The following MCC variants were observed in gnomAD, a reference collection of about 807,000 sequenced individuals.
The protein encoded by MCC is colorectal mutant cancer protein.
Under a neutral mutation model 116.2 loss-of-function variants are expected in MCC, and 90 were observed. The observed-to-expected ratio is 0.77, with a 90% confidence interval of 0.65 to 0.92. The LOEUF (loss-of-function observed/expected upper bound fraction) is 0.92, where lower values mean the gene tolerates loss of function less well. Ranked by LOEUF, MCC falls within the 40% of genes least tolerant of loss-of-function variation. MCC has a pLI of 0.00. For synonymous variants in MCC, 578 were observed against 510.5 expected (o/e 1.13, Z -1.78); for missense variants, 1,516 against 1,312.2 (o/e 1.16, Z -2.40).
At chr5:113,461,200 G>A (rs1482112496) in intron 1 of MCC, among the ~76,000 whole-genome samples, 5 of 151,860 alleles carry the variant, frequency 3.3e-5, no homozygotes, top group Admixed American at 3.3e-4. Flanking sequence ...GTTCAAGGCT[G>A]CAATGAGCCA....
intron 1 of MCC, among the ~76,000 whole-genome samples, chr5:113,468,994 T>C (rs1332727794): frequency 5.3e-5 from 8 of 152,248 alleles, no homozygotes; most frequent in Non-Finnish European, 1.0e-4. Context: ...TACTCTCTGA[T>C]GGTAGTTTGT....
At chr5:113,295,726 T>C (rs1766692082) in intron 3 of MCC, among the ~76,000 whole-genome samples, 1 of 152,110 alleles carries the variant, frequency 6.6e-6, no homozygotes, top group South Asian at 2.1e-4. Context: ...AGAGATGAGA[T>C]GGGGGAAGAG....
chr5:113,460,552 T>C (rs985821074), intron 1 of MCC, among the ~76,000 whole-genome samples: 2 of 152,242 alleles, frequency 1.3e-5, no homozygotes, highest in Non-Finnish European at 2.9e-5. Context: ...CATTACAAGC[T>C]GTGGGGAACT....
intron 14 of MCC, among the ~76,000 whole-genome samples, chr5:113,056,337 T>C (rs1752830982): frequency 6.6e-6 from 1 of 152,156 alleles, no homozygotes; most frequent in Non-Finnish European, 1.5e-5. Context: ...TGCCCATCAG[T>C]GGTAGACTAG....
intron 3 of MCC, among the ~76,000 whole-genome samples, chr5:113,189,682 C>G (rs1762061877): frequency 6.6e-6 from 1 of 152,166 alleles, no homozygotes; most frequent in Non-Finnish European, 1.5e-5. Context: ...ATCACTTGAG[C>G]AAGCAGGAGG....
chr5:113,368,617 A>G (rs1016437236), intron 2 of MCC, among the ~76,000 whole-genome samples: 3 of 151,240 alleles, frequency 2.0e-5, no homozygotes, highest in Non-Finnish European at 2.9e-5. Context: ...TATAGGAGAA[A>G]AAGTGTTTTT....
chr5:113,108,989 T>C (rs1430357733), intron 6 of MCC, among the ~76,000 whole-genome samples: 1 of 152,202 alleles, frequency 6.6e-6, no homozygotes, highest in African/African-American at 2.4e-5. Flanking sequence ...CTGGGCCGCC[T>C]GGAGCAGGTA....
chr5:113,112,365 T>A (rs1190209990), intron 6 of MCC, among the ~76,000 whole-genome samples: 1 of 152,164 alleles, frequency 6.6e-6, no homozygotes, highest in Non-Finnish European at 1.5e-5. Flanking sequence ...GTTGTTCTCA[T>A]GATAGTGAGT....
chr5:113,144,253 C>T (rs1020043924), intron 4 of MCC, among the ~76,000 whole-genome samples: 9 of 152,210 alleles, frequency 5.9e-5, no homozygotes, highest in African/African-American at 1.9e-4. Context: ...ACCTGTTCAC[C>T]TCTCACTTCT....
At chr5:113,102,006 GA>G in intron 7 of MCC, 61 bp from the exon 8 acceptor site, 1 of 1,514,170 alleles carries the variant, frequency 6.6e-7, no homozygotes, top group Non-Finnish European at 9.2e-7. Context: ...GGGATAGGAA[GA>G]AAATAGGCTG....
intron 5 of MCC, among the ~76,000 whole-genome samples, chr5:113,129,323 C>T (rs1173909736): frequency 6.6e-6 from 1 of 152,064 alleles, no homozygotes; most frequent in Non-Finnish European, 1.5e-5. Flanking sequence ...GGGTCAAATG[C>T]CATAGAAAGA....
At chr5:113,233,554 AG>A (rs1764016388) in intron 3 of MCC, among the ~76,000 whole-genome samples, 1 of 152,184 alleles carries the variant, frequency 6.6e-6, no homozygotes, top group Non-Finnish European at 1.5e-5. Context: ...GATTGAGAAA[AG>A]GAATAAAATG....
At chr5:113,070,129 C>G (rs147468314) in intron 12 of MCC, among the ~76,000 whole-genome samples, 114 of 152,304 alleles carry the variant, frequency 7.5e-4, no homozygotes, top group African/African-American at 2.7e-3. Flanking sequence ...GCTTTGCTGT[C>G]TGTAAACCAG....
intron 17 of MCC, among the ~76,000 whole-genome samples, chr5:113,033,796 A>G (rs2150208996): frequency 6.6e-6 from 1 of 152,352 alleles, no homozygotes; most frequent in Middle Eastern, 3.4e-3. Context: ...CCCCCAGTAC[A>G]CACATGGATT....
chr5:113,439,273 T>C (rs1770957066), intron 1 of MCC, among the ~76,000 whole-genome samples: 1 of 152,204 alleles, frequency 6.6e-6, no homozygotes. Context: ...AGTCAAGTCC[T>C]AGACCTGGTT....
At position 113,153,843 on chromosome 5, in the gene MCC, G is replaced by A. The variant is rs10478112; in HGVS notation, c.628-2421C>T. 5.6e-3 allele frequency among the ~76,000 whole-genome samples: 855 copies of A among 152,166 alleles called. 12 individuals are homozygous for A. The highest frequency in any genetic ancestry group is 0.019 in the African/African-American group (801 of 41,482). ...AAAGAACTTTGGTACTGATGTCCCCGACTCCATAACTGCAGGTTAGGATCT... is the reference window on the plus strand; with the variant it reads ...AAAGAACTTTGGTACTGATGTCCCCAACTCCATAACTGCAGGTTAGGATCT... On this transcript the variant is annotated intron_variant, in intron 3 of 18. Coordinates refer to ENST00000408903, the MANE Select transcript of MCC (RefSeq NM_001085377.2).
rs770380947 is a variant in MCC, at chr5:113,049,145, C to T, written c.2603G>A (p.Arg868Gln). 14 of 1,614,106 alleles carry T rather than the reference C, an allele frequency of 8.7e-6. No homozygotes were observed. Among genetic ancestry groups the T allele is most frequent in the Middle Eastern group, 3.3e-4 (2 of 6,084 alleles). Residue 868 changes from arginine to glutamine, a missense_variant, in exon 16 of 19, where the codon CGG (arginine) becomes CAG (glutamine). Coordinates refer to ENST00000408903, the MANE Select transcript of MCC (RefSeq NM_001085377.2). ...KSEVEEQKEQ[R>Q]MRSLSSTSSG... ...GCTGGTGGAGCTGAGGGATCGCATC[C>T]GCTGCTCCTTCTGCTCCTCCACCTC...
chr5:113,073,656 C>T (rs1225914334), intron 11 of MCC, among the ~76,000 whole-genome samples: 40 of 144,304 alleles, frequency 2.8e-4, no homozygotes, highest in Non-Finnish European at 4.7e-4. Flanking sequence ...CATATGGCTG[C>T]TTTTTTTTTT....
At chr5:113,352,826 G>A (rs544135291) in intron 2 of MCC, among the ~76,000 whole-genome samples, 4 of 152,080 alleles carry the variant, frequency 2.6e-5, no homozygotes, top group African/African-American at 7.2e-5. Flanking sequence ...GTGATTCTTC[G>A]TCAGAAGAAA....
Sources: gnomAD v4.1 joint callset for allele counts (sites outside exome capture counted in the v4.1 genomes callset) on GRCh38, gnomAD v4.1.1 for gene constraint, MANE v1.5 for transcripts, NCBI Gene and HGNC (gene_info 2026-07-23, HGNC 2026-07-21) for gene names.